The following FAAH2 variants were observed in gnomAD, a reference collection of about 807,000 sequenced individuals.
The protein encoded by FAAH2 is fatty-acid amide hydrolase 2.
Under a neutral mutation model 36.9 loss-of-function variants are expected in FAAH2, and 60 were observed. That is an observed-to-expected ratio of 1.63 (90% CI 1.32 to 2.02). The LOEUF (loss-of-function observed/expected upper bound fraction) is 2.02, where lower values mean the gene tolerates loss of function less well. Ranked by LOEUF, FAAH2 falls within the 30% of genes most tolerant of loss-of-function variation. FAAH2 has a pLI of 0.00. For synonymous variants in FAAH2, 214 were observed against 143.8 expected, an observed-to-expected ratio of 1.49 and a Z score of -3.49; for missense variants, 689 against 397.5, an observed-to-expected ratio of 1.73 and a Z score of -6.23.
the FAAH2 span, among the ~76,000 whole-genome samples, chrX:57,207,426 T>C: frequency 8.9e-6 from 1 of 112,059 alleles, no homozygotes; most frequent in East Asian, 2.8e-4. Flanking sequence ...GAAATGTCCA[T>C]TCTTGTATCT....
the FAAH2 span, among the ~76,000 whole-genome samples, chrX:57,268,734 C>A: frequency 9.0e-6 from 1 of 111,439 alleles, no homozygotes; most frequent in East Asian, 2.8e-4. Flanking sequence ...CTCAGAATTT[C>A]TTTTCTCACT....
intron 5 of FAAH2, among the ~76,000 whole-genome samples, chrX:57,352,592 T>C (rs1472571824): frequency 6.3e-5 from 7 of 111,030 alleles, no homozygotes; most frequent in Non-Finnish European, 1.9e-5. Context: ...TTCAATGTAG[T>C]ACTGGAAGTG....
intron 2 of FAAH2, among the ~76,000 whole-genome samples, chrX:57,300,102 A>C (rs188305192): frequency 1.8e-5 from 2 of 111,811 alleles, no homozygotes; most frequent in African/African-American, 6.5e-5. Context: ...ATTGGAAAAA[A>C]CTACTTTAAA....
intron 10 of FAAH2, among the ~76,000 whole-genome samples, chrX:57,479,100 T>C (rs1415552600): frequency 3.6e-5 from 4 of 111,932 alleles, no homozygotes; most frequent in African/African-American, 9.7e-5. Flanking sequence ...TTTCACGATA[T>C]TGATTCTTCC....
chrX:57,453,593 G>A (rs994840749), intron 10 of FAAH2, among the ~76,000 whole-genome samples: 2 of 110,264 alleles, frequency 1.8e-5, no homozygotes, highest in South Asian at 7.9e-4. Context: ...ACAGCCTCTA[G>A]AATATAACCC....
chrX:57,392,811 C>T (rs2055198446), intron 7 of FAAH2: 6 of 651,817 alleles, frequency 9.2e-6, no homozygotes, highest in Non-Finnish European at 1.6e-5. Flanking sequence ...TGTAGGGACA[C>T]CTTTTCGCTC....
At chrX:57,200,764 T>C in the FAAH2 span, among the ~76,000 whole-genome samples, 3 of 112,210 alleles carry the variant, frequency 2.7e-5, no homozygotes, top group Admixed American at 1.9e-4. Flanking sequence ...TTTTGATTGG[T>C]TCATCATTTA....
the FAAH2 span, among the ~76,000 whole-genome samples, chrX:57,187,116 C>T: frequency 9.0e-6 from 1 of 111,303 alleles, no homozygotes; most frequent in Admixed American, 9.6e-5. Context: ...TCAATAGTAG[C>T]TTGATGGGAA....
chrX:57,431,962 T>C lies in FAAH2; in HGVS notation c.1041T>C (p.His347=). 8.3e-7 allele frequency: 1 copy of C among 1,206,094 alleles called. No homozygotes were observed. The highest frequency in any genetic ancestry group is 2.2e-5 in the Admixed American group (1 of 45,665). ...CTATTCTAGGAGCCTCAGTTCAACA[T>C]GTTAAACTGAAGAAAATGAAGTACT... is the stretch of plus-strand genomic sequence containing the variant. The part of the protein sequence containing the change: ...LETILGASVQ[H]VKLKKMKYSF... Residue 347 remains histidine (H), a synonymous_variant, in exon 8 of 11, where the codon CAT becomes CAC. Transcript: ENST00000374900.
upstream of FAAH2, among the ~76,000 whole-genome samples, chrX:57,285,314 C>T (rs977508594): frequency 8.9e-6 from 1 of 112,026 alleles, no homozygotes; most frequent in Non-Finnish European, 1.9e-5. Flanking sequence ...AAGCTCGAAT[C>T]CCTATCTTCA....
chrX:57,234,067 T>A, the FAAH2 span, among the ~76,000 whole-genome samples: 1 of 113,219 alleles, frequency 8.8e-6, no homozygotes, highest in Middle Eastern at 4.6e-3. Context: ...TTCATGCATA[T>A]TTAAAAGATA....
intron 10 of FAAH2, among the ~76,000 whole-genome samples, chrX:57,469,531 T>G (rs764748736): frequency 8.9e-6 from 1 of 111,915 alleles, no homozygotes; most frequent in Non-Finnish European, 1.9e-5. Flanking sequence ...AAGTGATCAA[T>G]TCAATAAGAA....
At chrX:57,136,941 G>A in the FAAH2 span, 1 of 844,630 alleles carries the variant, frequency 1.2e-6, no homozygotes. Context: ...GCCTTGACCA[G>A]CACCCACTAC....
At chrX:57,412,220 A>T (rs780124268) in intron 7 of FAAH2, among the ~76,000 whole-genome samples, 6 of 111,291 alleles carry the variant, frequency 5.4e-5, no homozygotes, top group East Asian at 2.8e-4. Flanking sequence ...TCTTTTTTTT[A>T]AATTATATTT....
chrX:57,323,375 T>C (rs918554543), intron 3 of FAAH2, among the ~76,000 whole-genome samples: 3 of 111,527 alleles, frequency 2.7e-5, no homozygotes, highest in Non-Finnish European at 5.6e-5. Context: ...GGTCAAATGG[T>C]ATTTCTAGTT....
intron 5 of FAAH2, among the ~76,000 whole-genome samples, chrX:57,347,562 CA>C (rs2053855144): frequency 9.7e-6 from 1 of 102,991 alleles, no homozygotes; most frequent in Non-Finnish European, 1.9e-5. Flanking sequence ...CCATATCTGT[CA>C]AAAAGGCTAG....
the FAAH2 span, among the ~76,000 whole-genome samples, chrX:57,265,984 G>A: frequency 8.9e-6 from 1 of 111,921 alleles, no homozygotes; most frequent in African/African-American, 3.2e-5. Flanking sequence ...AGCTCCCAGG[G>A]GTAGGGGTGG....
the FAAH2 span, among the ~76,000 whole-genome samples, chrX:57,233,680 C>A: frequency 8.9e-6 from 1 of 112,257 alleles, no homozygotes. Flanking sequence ...CCCTCTATTG[C>A]CCAGGCTGGA....
the FAAH2 span, among the ~76,000 whole-genome samples, chrX:57,162,247 C>T: frequency 3.6e-5 from 4 of 112,024 alleles, no homozygotes; most frequent in African/African-American, 1.3e-4. Flanking sequence ...GTCTGATGGG[C>T]TTCCCTTTGA....
Sources: gnomAD v4.1 joint callset for allele counts (sites outside exome capture counted in the v4.1 genomes callset) on GRCh38, gnomAD v4.1.1 for gene constraint, MANE v1.5 for transcripts, NCBI Gene and HGNC (gene_info 2026-07-23, HGNC 2026-07-21) for gene names.